CIT: variants seen among roughly 807,000 people sequenced by gnomAD.
CIT encodes citron Rho-interacting kinase.
A neutral mutation model predicts 272.7 loss-of-function variants in CIT; 79 were observed. The observed-to-expected ratio is 0.29, with a 90% CI of 0.24 to 0.35. The LOEUF is 0.35. Among genes scored for constraint, CIT ranks in the 10% least tolerant of loss-of-function variants. CIT has a pLI of 1.00. For synonymous variants in CIT, 948 were observed against 995.6 expected (o/e 0.95, Z 0.90); for missense variants, 1,909 against 2,618.3 (o/e 0.73, Z 5.91).
rs1748159830 is a variant in CIT at position 119,757,477 on chromosome 12, T to C, written c.2600A>G (p.Lys867Arg). The part of the protein sequence containing the change: ...QKFYLETQAG[K>R]LEAQNRKLEE... ...CAGTTTTCGGTTCTGGGCCTCCAAC[T>C]TCCCAGCCTGTGTCTCCAGGTAAAA... Residue 867 changes from lysine to arginine, a missense_variant, in exon 22 of 48, where the codon AAG becomes AGG. By Grantham distance (26) the Lys-to-Arg change is conservative. Coordinates refer to ENST00000392521, the MANE Select transcript of CIT (RefSeq NM_001206999.2). The C allele has an allele frequency of 6.2e-7, 1 of 1,614,168 alleles. No homozygotes were observed. Among genetic ancestry groups the C allele is most frequent in the South Asian group, 1.1e-5 (1 of 91,066 alleles).
At chr12:119,747,414 C>G (rs1959588100) in intron 23 of CIT, among the ~76,000 whole-genome samples, 1 of 146,974 alleles carries the variant, frequency 6.8e-6, no homozygotes, top group Admixed American at 6.8e-5. Context: ...GAGGGAGACT[C>G]CATCTCAAAA....
At chr12:119,808,826 A>G (rs1234823406) in intron 9 of CIT, among the ~76,000 whole-genome samples, 2 of 152,232 alleles carry the variant, frequency 1.3e-5, no homozygotes, top group Admixed American at 1.3e-4. Context: ...GAGTACCAAA[A>G]AAATAGCTAT....
Position 119,770,978 on chromosome 12 carries a change from G to C in CIT, c.2083-68C>G, listed in dbSNP as rs1337213228. On this transcript the variant is annotated intron_variant, in intron 17 of 47. Transcript: ENST00000392521. The surrounding 1 kb of genome is among the most constrained non-coding windows in gnomAD (Gnocchi z 4.4). ...GCTATGGGCATAACACCTGCACCGA[G>C]GGAAAGAGCCCTCAAGAAGCATACA... 1.3e-6 allele frequency: 2 copies of C among 1,557,398 alleles called. No individual in the cohort carries two copies. The highest frequency in any genetic ancestry group is 1.7e-6 in the Non-Finnish European group (2 of 1,150,342).
At chr12:119,808,346 G>A (rs1281689359) in intron 9 of CIT, among the ~76,000 whole-genome samples, 5 of 152,000 alleles carry the variant, frequency 3.3e-5, no homozygotes, top group Admixed American at 3.3e-4. Context: ...AACAATACCT[G>A]GCTGTCCTTA....
At chr12:119,720,437 G>T in intron 30 of CIT, 41 bp downstream of exon 30, 1 of 1,403,062 alleles carries the variant, frequency 7.1e-7, no homozygotes, top group Non-Finnish European at 1.0e-6. Flanking sequence ...TGAATGATGA[G>T]TGAAACTGAC....
At chr12:119,736,173 G>A (rs1270193817) in intron 24 of CIT, among the ~76,000 whole-genome samples, 2 of 152,142 alleles carry the variant, frequency 1.3e-5, no homozygotes, top group Non-Finnish European at 2.9e-5. Context: ...TACCTTGGAA[G>A]TTTAAGGGCA....
intron 10 of CIT, among the ~76,000 whole-genome samples, chr12:119,788,498 C>T (rs901300400): frequency 5.9e-4 from 90 of 152,256 alleles, no homozygotes; most frequent in African/African-American, 2.1e-3. Context: ...GCTCCTTGTG[C>T]TTAAGCAAAA....
At chr12:119,857,764 G>T (rs878924292) in intron 3 of CIT, 66 bp from the exon 4 acceptor site, 8 of 1,018,200 alleles carry the variant, frequency 7.9e-6, no homozygotes, top group Non-Finnish European at 1.1e-5. Context: ...CTTTATGAAA[G>T]AAAAAAAAAA....
chr12:119,721,872 T>A (rs975413706), intron 28 of CIT, among the ~76,000 whole-genome samples: 13 of 152,220 alleles, frequency 8.5e-5, no homozygotes, highest in African/African-American at 3.1e-4. Flanking sequence ...ATTGTTGCTA[T>A]GAGAAATTAC....
intron 3 of CIT, among the ~76,000 whole-genome samples, chr12:119,858,510 C>CT (rs1491084581): frequency 3.5e-5 from 5 of 141,784 alleles, no homozygotes; most frequent in Non-Finnish European, 7.5e-5. Flanking sequence ...GAGTGAAACT[C>CT]TGTCTCCAAA....
chr12:119,689,764 G>A (rs111497634), intron 47 of CIT, among the ~76,000 whole-genome samples: 1,827 of 131,332 alleles, frequency 0.014, 42 homozygotes, highest in African/African-American at 0.048. Context: ...TGCAAGCTCC[G>A]CCCTCCGGGT....
At chr12:119,734,583 A>G (rs1404344433) in intron 25 of CIT, among the ~76,000 whole-genome samples, 1 of 152,120 alleles carries the variant, frequency 6.6e-6, no homozygotes, top group Non-Finnish European at 1.5e-5. Context: ...GAAGTGACCA[A>G]GCTTAAAATC....
chr12:119,749,094 G>T (rs978614807), intron 23 of CIT, among the ~76,000 whole-genome samples: 2 of 152,180 alleles, frequency 1.3e-5, no homozygotes, highest in Non-Finnish European at 2.9e-5. Flanking sequence ...GGCAACAAAG[G>T]CCTCCCAGCT....
chr12:119,695,016 C>T (rs1956157065), intron 46 of CIT, among the ~76,000 whole-genome samples: 1 of 152,088 alleles, frequency 6.6e-6, no homozygotes, highest in Non-Finnish European at 1.5e-5. Context: ...CCAAAAGAGT[C>T]AGGAGCACGT....
At chr12:119,692,616 GACC>G (rs1233022545) in intron 46 of CIT, among the ~76,000 whole-genome samples, 1 of 152,212 alleles carries the variant, frequency 6.6e-6, no homozygotes, top group Non-Finnish European at 1.5e-5. Context: ...GCTTCCGCAT[GACC>G]ACAACAGGGT....
intron 43 of CIT, 146 bp downstream of exon 43, chr12:119,701,478 G>A: frequency 1.2e-6 from 1 of 847,810 alleles, no homozygotes; most frequent in Non-Finnish European, 1.8e-6. Flanking sequence ...CATCCCCAAG[G>A]GGACTTGGTG....
At chr12:119,857,471 A>G in intron 4 of CIT, 52 bp downstream of exon 4, 1 of 1,580,936 alleles carries the variant, frequency 6.3e-7, no homozygotes, top group Non-Finnish European at 8.7e-7. Context: ...CGTCTTTGCA[A>G]TGAACACTCC....
chr12:119,782,861 A>C (rs1224557878), intron 12 of CIT: 1 of 457,600 alleles, frequency 2.2e-6, no homozygotes, highest in African/African-American at 2.0e-5. Flanking sequence ...ATCCAGCCGG[A>C]AACTGCATCA....
intron 24 of CIT, among the ~76,000 whole-genome samples, chr12:119,738,888 A>G (rs76040446): frequency 6.1e-4 from 4 of 6,526 alleles, no homozygotes; most frequent in Admixed American, 2.3e-3. Context: ...AATCTCCAGA[A>G]AAAAAAAAAA....
Sources: allele counts gnomAD v4.1 joint callset (sites outside exome capture counted in the v4.1 genomes callset), GRCh38; gene constraint gnomAD v4.1.1; non-coding constraint Gnocchi (gnomAD v3.1); transcripts MANE v1.5; gene names NCBI Gene and HGNC (gene_info 2026-07-23, HGNC 2026-07-21).